Variants in UNC80 observed in about 807,000 individuals in gnomAD.
UNC80 encodes the protein unc-80 subunit of NALCN channel complex.
Under a neutral mutation model 384.6 loss-of-function variants are expected in UNC80, and 164 were observed. That is an observed-to-expected ratio of 0.43 (90% CI 0.38 to 0.49). The LOEUF (loss-of-function observed/expected upper bound fraction) is 0.49, where lower values mean the gene tolerates loss of function less well. Among genes scored for constraint, UNC80 ranks in the 20% least tolerant of loss-of-function variants. The probability of loss-of-function intolerance (pLI) is 0.00; values close to 1 mark genes in which losing one functional copy is unlikely to be tolerated. For missense variants in UNC80, 3,330 were observed against 4,143.0 expected, an observed-to-expected ratio of 0.80 and a Z score of 5.39; for synonymous variants, 1,486 against 1,527.8, an observed-to-expected ratio of 0.97 and a Z score of 0.64.
Position 209,967,636 on chromosome 2 carries a change from A to C in UNC80, c.8005A>C (p.Arg2669=). 1 of 1,551,472 alleles carries C rather than the reference A, an allele frequency of 6.4e-7. No homozygotes were observed. The highest frequency in any genetic ancestry group is 1.2e-5 in the South Asian group (1 of 84,000). The part of the protein sequence containing the change: ...FNKIHKMPTL[R]RQVEWEPASN... ...CAAAATTCATAAGATGCCTACTTTG[A>C]GGTGAGAATGCCTCCGAGTTAGCTG... The change falls in exon 52 of 65, where the codon AGG becomes CGG. Residue 2669 remains arginine, a splice_region_variant and synonymous_variant. Coordinates refer to ENST00000673920, the MANE Select transcript of UNC80 (RefSeq NM_001371986.1).
intron 3 of UNC80, among the ~76,000 whole-genome samples, chr2:209,776,956 C>T (rs2076899972): frequency 6.6e-6 from 1 of 152,170 alleles, no homozygotes; most frequent in Admixed American, 6.5e-5. Context: ...GTCACATTGT[C>T]TAAAATAGGA....
chr2:209,971,042 G>A, intron 54 of UNC80, 85 bp downstream of exon 54: 8 of 1,471,050 alleles, frequency 5.4e-6, no homozygotes, highest in Non-Finnish European at 5.4e-6. Flanking sequence ...TTTCTGCAAA[G>A]GCTGGGCAAA....
chr2:209,913,034 T>C (rs1017327481), intron 30 of UNC80, among the ~76,000 whole-genome samples: 2 of 152,176 alleles, frequency 1.3e-5, no homozygotes, highest in Non-Finnish European at 2.9e-5. Context: ...CTTGGGCAAG[T>C]TATTTAATTT....
rs755787311 is a variant in UNC80, at chr2:209,936,831, G to C, written c.6274-13G>C. 31 of 1,507,452 alleles carry C rather than the reference G, an allele frequency of 2.1e-5. No individual in the cohort carries two copies. The highest frequency in any genetic ancestry group is 3.4e-4 in the Middle Eastern group (2 of 5,918). 93.4% of individuals were successfully genotyped at this position (1,507,452 alleles called of 1,614,324 possible). A position where few individuals can be genotyped will look rare whatever the true frequency, so the allele number is the denominator to read the frequency against. ...TGATAAACATTTATTAAAATTTGTT[G>C]CTATTGTTCTAGGAGTGTCTGGAGT... On this transcript the variant is annotated splice_polypyrimidine_tract_variant and intron_variant, in intron 40 of 64. Coordinates refer to ENST00000673920, the MANE Select transcript of UNC80 (RefSeq NM_001371986.1).
At chr2:209,989,817 A>G (rs1441180615) in intron 61 of UNC80, among the ~76,000 whole-genome samples, 1 of 152,230 alleles carries the variant, frequency 6.6e-6, no homozygotes, top group Non-Finnish European at 1.5e-5. Flanking sequence ...AGACCCCAGA[A>G]AAAGAAACAT....
chr2:209,902,068 G>A (rs548356813), intron 28 of UNC80, among the ~76,000 whole-genome samples: 2 of 152,270 alleles, frequency 1.3e-5, no homozygotes, highest in Non-Finnish European at 2.9e-5. Context: ...AAGAACATTT[G>A]TGATTCATAA....
At chr2:209,809,638 C>A in intron 7 of UNC80, 1 of 614,160 alleles carries the variant, frequency 1.6e-6, no homozygotes, top group Non-Finnish European at 2.9e-6. Flanking sequence ...CAACCAACAG[C>A]CTCCCCAAGC....
At chr2:209,980,991 C>G (rs1300589305) in intron 59 of UNC80, among the ~76,000 whole-genome samples, 1 of 152,124 alleles carries the variant, frequency 6.6e-6, no homozygotes, top group Non-Finnish European at 1.5e-5. Flanking sequence ...AAATATCATT[C>G]TATAACAAGA....
intron 22 of UNC80, among the ~76,000 whole-genome samples, chr2:209,868,001 A>T (rs2083980558): frequency 6.6e-6 from 1 of 152,186 alleles, no homozygotes; most frequent in African/African-American, 2.4e-5. Flanking sequence ...TGCTAAAATG[A>T]CTAGCCTTCC....
At chr2:209,939,766 G>A in intron 43 of UNC80, 114 bp downstream of exon 43, 1 of 1,000,218 alleles carries the variant, frequency 1.0e-6, no homozygotes, top group East Asian at 2.8e-5. Flanking sequence ...TGCTCAACGT[G>A]CAGGTTTGTT....
At chr2:209,989,204 A>T (rs1184841350) in intron 61 of UNC80, among the ~76,000 whole-genome samples, 2 of 151,824 alleles carry the variant, frequency 1.3e-5, no homozygotes, top group East Asian at 1.9e-4. Context: ...ACATATCTGT[A>T]ATCTCAGCTT....
chr2:209,840,994 T>A (rs1161596432), intron 20 of UNC80, among the ~76,000 whole-genome samples: 1 of 152,210 alleles, frequency 6.6e-6, no homozygotes, highest in African/African-American at 2.4e-5. Context: ...AATTTTACAG[T>A]GATCCCTTTT....
At chr2:209,779,897 G>A (rs1411954945) in intron 4 of UNC80, among the ~76,000 whole-genome samples, 1 of 152,238 alleles carries the variant, frequency 6.6e-6, no homozygotes, top group African/African-American at 2.4e-5. Context: ...GTGAGTCTAA[G>A]TTTTGGAAAC....
chr2:209,854,751 A>G (rs911738991), intron 22 of UNC80, among the ~76,000 whole-genome samples: 3 of 152,236 alleles, frequency 2.0e-5, no homozygotes, highest in Non-Finnish European at 4.4e-5. Flanking sequence ...ATGAGATACC[A>G]TCTCACACCA....
chr2:209,924,838 C>T (rs1442113706), intron 35 of UNC80, among the ~76,000 whole-genome samples: 1 of 150,694 alleles, frequency 6.6e-6, no homozygotes, highest in Non-Finnish European at 1.5e-5. Flanking sequence ...TTAAGTCAAG[C>T]TAAATAAAGA....
intron 39 of UNC80, among the ~76,000 whole-genome samples, chr2:209,934,332 T>C (rs1250968485): frequency 1.3e-5 from 2 of 152,154 alleles, no homozygotes; most frequent in African/African-American, 4.8e-5. Flanking sequence ...TTTTTGGCAG[T>C]GCAAGAATAA....
Position 209,889,031 on chromosome 2 carries a change from C to T in UNC80, c.4276+771C>T, listed in dbSNP as rs180865596. 7.2e-5 allele frequency among the ~76,000 whole-genome samples: 11 copies of T among 152,262 alleles called. No individual in the cohort carries two copies. The East Asian group carries it at 2.1e-3, about 29-fold the overall frequency. On this transcript the variant is annotated intron_variant, in intron 26 of 64. Transcript: ENST00000673920. Reference sequence around the variant, plus strand: ...TAATAAAGCACTAGGCTTATTTAATCATTTTTGTGAAACTATGAAGACAGA... The same window carrying T: ...TAATAAAGCACTAGGCTTATTTAATTATTTTTGTGAAACTATGAAGACAGA...
At chr2:209,885,985 A>G (rs111334651) in intron 25 of UNC80, among the ~76,000 whole-genome samples, 2,347 of 152,012 alleles carry the variant, frequency 0.015, 74 homozygotes, top group African/African-American at 0.053. Flanking sequence ...GGCTGGTCTC[A>G]AACTCCTGGC....
intron 25 of UNC80, among the ~76,000 whole-genome samples, chr2:209,887,598 C>G (rs2124906529): frequency 6.6e-6 from 1 of 152,298 alleles, no homozygotes; most frequent in Non-Finnish European, 1.5e-5. Flanking sequence ...CTGTCGAGCA[C>G]AGTTCCGAGT....
Sources: allele counts gnomAD v4.1 joint callset (sites outside exome capture counted in the v4.1 genomes callset), GRCh38; gene constraint gnomAD v4.1.1; transcripts MANE v1.5; gene names NCBI Gene and HGNC (gene_info 2026-07-23, HGNC 2026-07-21).